Variants in ESR2 observed in about 807,000 individuals in gnomAD.
ESR2 encodes the protein estrogen receptor 2, also known as estrogen receptor beta.
ESR2 carries 36 observed loss-of-function variants against 49.6 expected under a neutral mutation model. The observed-to-expected ratio is 0.73, with a 90% CI of 0.56 to 0.96. ESR2 has a LOEUF of 0.96. Among genes scored for constraint, ESR2 ranks in the 40% least tolerant of loss-of-function variants. The probability of loss-of-function intolerance (pLI) is 0.00; values close to 1 mark genes in which losing one functional copy is unlikely to be tolerated. For missense variants in ESR2, 714 were observed against 693.0 expected, an observed-to-expected ratio of 1.03 and a Z score of -0.34; for synonymous variants, 320 against 266.1, an observed-to-expected ratio of 1.20 and a Z score of -1.97.
intron 1 of ESR2, among the ~76,000 whole-genome samples, chr14:64,302,179 TATTTA>T (rs2077029494): frequency 6.7e-6 from 1 of 149,254 alleles, no homozygotes; most frequent in Admixed American, 6.7e-5. Context: ...TTTATTTATT[TATTTA>T]TTTATTTATT....
intron 1 of ESR2, among the ~76,000 whole-genome samples, chr14:64,315,719 A>G (rs1383589005): frequency 1.3e-5 from 2 of 150,624 alleles, no homozygotes; most frequent in Non-Finnish European, 2.9e-5. Context: ...CAGTGGCATG[A>G]TCTCAGCTCA....
intron 4 of ESR2, among the ~76,000 whole-genome samples, chr14:64,267,041 C>A (rs907733084): frequency 1.3e-5 from 2 of 152,026 alleles, no homozygotes; most frequent in African/African-American, 4.8e-5. Flanking sequence ...CCACCACGCC[C>A]GGCTAATTTT....
At chr14:64,253,533 A>T (rs1324379133) in intron 6 of ESR2, among the ~76,000 whole-genome samples, 3 of 146,676 alleles carry the variant, frequency 2.0e-5, no homozygotes, top group Non-Finnish European at 3.0e-5. Flanking sequence ...ATGTTGAATG[A>T]GTGGGCCTCC....
intron 8 of ESR2, chr14:64,234,097 CAAAT>C (rs1053189712): frequency 1.3e-5 from 2 of 152,146 alleles, no homozygotes; most frequent in Admixed American, 6.5e-5. Flanking sequence ...TTTGGGGTTA[CAAAT>C]AAATTTTAGC....
Position 64,230,758 on chromosome 14 carries a change from C to A in ESR2, c.*2379G>T, listed in dbSNP as rs956273067. 6.6e-6 allele frequency among the ~76,000 whole-genome samples: 1 copy of A among 151,290 alleles called. No individual in the cohort carries two copies. Among genetic ancestry groups the A allele is most frequent in the East Asian group, 1.9e-4 (1 of 5,174 alleles). Reference sequence around the variant, plus strand: ...GCTCAGCTGGAAACTCACTGTGCGGCGCTCCTGATACTGCCCACTCGAGGC... The same window carrying A: ...GCTCAGCTGGAAACTCACTGTGCGGAGCTCCTGATACTGCCCACTCGAGGC... On this transcript the variant is annotated 3_prime_UTR_variant, in exon 9 of 9. Coordinates refer to ENST00000341099, the MANE Select transcript of ESR2 (RefSeq NM_001437.3).
chr14:64,253,229 C>T (rs1457040784), intron 6 of ESR2, among the ~76,000 whole-genome samples: 1 of 151,548 alleles, frequency 6.6e-6, no homozygotes, highest in Non-Finnish European at 1.5e-5. Context: ...CTTGCTCTGT[C>T]GCCCCAGCTG....
chr14:64,283,885 G>A (rs1325331105), intron 1 of ESR2, among the ~76,000 whole-genome samples: 1 of 151,560 alleles, frequency 6.6e-6, no homozygotes, highest in East Asian at 1.9e-4. Flanking sequence ...GTGTAACTGT[G>A]TCACTTATCA....
At chr14:64,241,038 G>C (rs8022377) in intron 7 of ESR2, among the ~76,000 whole-genome samples, 30,196 of 150,824 alleles carry the variant, frequency 0.2, 6,047 homozygotes, top group African/African-American at 0.52. Context: ...CCCAGCTACT[G>C]GGGAGGCTGA....
chr14:64,288,227 A>T lies in ESR2; in HGVS notation c.-90-5152T>A, dbSNP rs2076812408. Reference sequence around the variant, plus strand: ...TTCTAATGTACTGGCTGGGAAACATACTATGGCTTTTGAATTAAAAGAAAA... The same window carrying T: ...TTCTAATGTACTGGCTGGGAAACATTCTATGGCTTTTGAATTAAAAGAAAA... On this transcript the variant is annotated intron_variant, in intron 1 of 8. Transcript: ENST00000341099. Among the ~76,000 whole-genome samples the T allele has an allele frequency of 2.0e-5, 3 of 152,246 alleles. No homozygotes were observed. In the South Asian group the frequency reaches 6.2e-4, roughly 32 times the overall value.
chr14:64,260,185 C>G (rs372577109), intron 5 of ESR2: 7 of 709,360 alleles, frequency 9.9e-6, no homozygotes, highest in African/African-American at 3.4e-5. Context: ...GGCTGGGCCA[C>G]GCACAACTCT....
In ESR2 at chr14:64,230,701, C is replaced by T. The variant is rs1173200145; in HGVS notation, c.*2436G>A. Among the ~76,000 whole-genome samples the T allele has an allele frequency of 6.6e-6, 1 of 151,760 alleles. No homozygotes were observed. The highest frequency in any genetic ancestry group is 1.5e-5 in the Non-Finnish European group (1 of 67,980). On this transcript the variant is annotated 3_prime_UTR_variant, in exon 9 of 9. Coordinates refer to ENST00000341099, the MANE Select transcript of ESR2 (RefSeq NM_001437.3). The stretch of plus-strand genomic sequence containing the variant: ...ATGAGACAGGCCTGACAGAGGGGTG[C>T]TGTGAGAACAGAGCGAGATTCGGTG...
chr14:64,307,036 A>G (rs1253238696), intron 1 of ESR2, among the ~76,000 whole-genome samples: 1 of 151,974 alleles, frequency 6.6e-6, no homozygotes, highest in Non-Finnish European at 1.5e-5. Flanking sequence ...TCCATTTTAT[A>G]TATGTTGAAT....
intron 7 of ESR2, among the ~76,000 whole-genome samples, chr14:64,248,653 T>A (rs2075919922): frequency 6.6e-6 from 1 of 152,152 alleles, no homozygotes; most frequent in African/African-American, 2.4e-5. Context: ...AATAATCAGA[T>A]ATTTATATAA....
intron 7 of ESR2, among the ~76,000 whole-genome samples, chr14:64,239,568 C>T (rs2075677343): frequency 6.6e-6 from 1 of 152,132 alleles, no homozygotes. Context: ...AAATTCCATA[C>T]CCCCTCTAAT....
intron 6 of ESR2, among the ~76,000 whole-genome samples, chr14:64,250,313 A>G (rs944448867): frequency 2.0e-5 from 3 of 152,200 alleles, no homozygotes; most frequent in Admixed American, 6.5e-5. Flanking sequence ...GTGGGGAAAA[A>G]TTTTTGACTT....
At chr14:64,257,794 GCTTGCAGAGAGCAGTGCCAGCC>G (rs1277590799) in intron 5 of ESR2, among the ~76,000 whole-genome samples, 5 of 152,134 alleles carry the variant, frequency 3.3e-5, no homozygotes, top group Non-Finnish European at 7.4e-5. Flanking sequence ...GGGGTTGGAG[GCTTGCAGAGAGCAGTGCCAGCC>G]CTCACAGAAA....
chr14:64,227,786 TCA>T, downstream of ESR2: 5 of 1,543,472 alleles, frequency 3.2e-6, no homozygotes, highest in Admixed American at 1.0e-4. Flanking sequence ...CACTCAAAGC[TCA>T]GTGTATTCCC....
At position 64,229,860 on chromosome 14, in the gene ESR2, T is replaced by C. The variant is rs1371591663; in HGVS notation, c.*3277A>G. Among the ~76,000 whole-genome samples, 4 of 152,180 alleles carry C rather than the reference T, an allele frequency of 2.6e-5. No homozygotes were observed. The highest frequency in any genetic ancestry group is 9.7e-5 in the African/African-American group (4 of 41,448). ...ACTAAATAATGTGTTTTTATCTTTT[T>C]AAAAGATTTTCAGCAACTTAAAAAA... On this transcript the variant is annotated 3_prime_UTR_variant, in exon 9 of 9. Transcript: ENST00000341099.
intron 4 of ESR2, among the ~76,000 whole-genome samples, chr14:64,263,419 G>A (rs145167138): frequency 3.3e-5 from 5 of 152,278 alleles, no homozygotes; most frequent in Admixed American, 3.3e-4. Flanking sequence ...CAATTTGGGA[G>A]GCCAAGGTGG....
Sources: gnomAD v4.1 joint callset for allele counts (sites outside exome capture counted in the v4.1 genomes callset) on GRCh38, gnomAD v4.1.1 for gene constraint, MANE v1.5 for transcripts, NCBI Gene and HGNC (gene_info 2026-07-23, HGNC 2026-07-21) for gene names.